Variants in KLHL29 observed in about 807,000 individuals in gnomAD.
KLHL29 encodes kelch-like protein 29.
In KLHL29, 21 loss-of-function variants were observed where a neutral mutation model predicts 80.4. The observed-to-expected ratio is 0.26, with a 90% CI of 0.19 to 0.38. KLHL29 has a LOEUF of 0.38. Among genes scored for constraint, KLHL29 ranks in the 10% least tolerant of loss-of-function variants. The probability of loss-of-function intolerance (pLI) is 1.00; values close to 1 mark genes in which losing one functional copy is unlikely to be tolerated. For synonymous variants in KLHL29, 511 were observed against 526.8 expected (o/e 0.97, Z 0.41); for missense variants, 867 against 1,223.9 (o/e 0.71, Z 4.35).
Position 23,596,422 on chromosome 2 carries a change from G to A in KLHL29, c.285+33941G>A, listed in dbSNP as rs1306890548. Among the ~76,000 whole-genome samples the A allele has an allele frequency of 2.0e-5, 3 of 152,172 alleles. No individual in the cohort carries two copies. Among genetic ancestry groups the A allele is most frequent in the African/African-American group, 4.8e-5 (2 of 41,438 alleles). On this transcript the variant is annotated intron_variant, in intron 3 of 13. Coordinates refer to ENST00000486442, the MANE Select transcript of KLHL29 (RefSeq NM_052920.2). This position sits in a 1 kb window ranked among gnomAD's most constrained non-coding sequence, Gnocchi z 4.4. Reference sequence around the variant, plus strand: ...CTGGTGGCTGCATCCCAGGGGAGAGGAAGGAACCCGTTTCATAAGCGCACT... The same window carrying A: ...CTGGTGGCTGCATCCCAGGGGAGAGAAAGGAACCCGTTTCATAAGCGCACT...
At chr2:23,477,499 C>G (rs945155625) in intron 2 of KLHL29, among the ~76,000 whole-genome samples, 4 of 152,252 alleles carry the variant, frequency 2.6e-5, no homozygotes, top group Non-Finnish European at 5.9e-5. Flanking sequence ...TGGAAGGTTC[C>G]CCACCCTGTG....
rs146261512 is a variant in KLHL29 at position 23,543,959 on chromosome 2, G to A, written c.-45-18193G>A. The stretch of plus-strand genomic sequence containing the variant: ...GGTGGACTCTCCAGGGCTCTGGGTC[G>A]GGGCTTGCTGGACAGGGAGAGTAGG... On this transcript the variant is annotated intron_variant, in intron 2 of 13. Coordinates refer to ENST00000486442, the MANE Select transcript of KLHL29 (RefSeq NM_052920.2). Among the ~76,000 whole-genome samples the A allele has an allele frequency of 4.8e-4, 73 of 152,328 alleles. 1 individual carries two copies. In the East Asian group the frequency reaches 0.012, roughly 25 times the overall value.
At chr2:23,485,051 G>T (rs550253823) in intron 2 of KLHL29, among the ~76,000 whole-genome samples, 1 of 152,234 alleles carries the variant, frequency 6.6e-6, no homozygotes, top group East Asian at 1.9e-4. Context: ...CCTGGTTCCG[G>T]TGTGGTCCTG....
intron 3 of KLHL29, among the ~76,000 whole-genome samples, chr2:23,597,303 A>ATG (rs1178808276): frequency 1.2e-5 from 1 of 82,224 alleles, no homozygotes; most frequent in South Asian, 5.0e-4. Flanking sequence ...TCTCATATAT[A>ATG]TATATATGTG....
chr2:23,418,489 T>C (rs555819202), intron 1 of KLHL29, among the ~76,000 whole-genome samples: 12 of 152,332 alleles, frequency 7.9e-5, no homozygotes, highest in Admixed American at 3.9e-4. Context: ...ATGTTAGGCT[T>C]CAGCATGATT....
At chr2:23,587,915 T>G (rs72780365) in intron 3 of KLHL29, among the ~76,000 whole-genome samples, 1 of 152,220 alleles carries the variant, frequency 6.6e-6, no homozygotes. Flanking sequence ...AGGGAAGGAA[T>G]GGCCTTGTGT....
chr2:23,400,671 CA>C (rs201256693), intron 1 of KLHL29, among the ~76,000 whole-genome samples: 6,559 of 140,304 alleles, frequency 0.047, 162 homozygotes, highest in Non-Finnish European at 0.053. Flanking sequence ...CCCATCTCTA[CA>C]AAAAAAAAAA....
intron 2 of KLHL29, among the ~76,000 whole-genome samples, chr2:23,541,124 C>A (rs1666820138): frequency 1.3e-5 from 2 of 152,238 alleles, no homozygotes. Flanking sequence ...GATTTCACAA[C>A]TGAATTCTGT....
intron 1 of KLHL29, among the ~76,000 whole-genome samples, chr2:23,471,609 A>G (rs1169085571): frequency 6.6e-6 from 1 of 152,196 alleles, no homozygotes; most frequent in Non-Finnish European, 1.5e-5. Flanking sequence ...ACAAGCAGTG[A>G]CTGACTACCT....
At chr2:23,469,690 G>T (rs1397713089) in intron 1 of KLHL29, among the ~76,000 whole-genome samples, 1 of 152,152 alleles carries the variant, frequency 6.6e-6, no homozygotes, top group Non-Finnish European at 1.5e-5. Context: ...TGTGGAAAAT[G>T]AGTTGAACCG....
At chr2:23,472,964 A>G (rs992239401) in intron 1 of KLHL29, among the ~76,000 whole-genome samples, 2 of 152,220 alleles carry the variant, frequency 1.3e-5, no homozygotes, top group Non-Finnish European at 2.9e-5. Flanking sequence ...ATCCACAAAG[A>G]TGAATAGGCA....
chr2:23,547,407 C>T (rs1485486303), intron 2 of KLHL29, among the ~76,000 whole-genome samples: 1 of 152,116 alleles, frequency 6.6e-6, no homozygotes, highest in Non-Finnish European at 1.5e-5. Flanking sequence ...TTAGGATTGA[C>T]CTAGCCATTT....
chr2:23,680,289 G>A lies in KLHL29; in HGVS notation c.941-4110G>A, dbSNP rs145426501. On this transcript the variant is annotated intron_variant, in intron 5 of 13. Transcript: ENST00000486442. The surrounding 1 kb of genome is among the most constrained non-coding windows in gnomAD (Gnocchi z 4.1). ...AGTCTGGGGAAGGCCTGCGGATTGC[G>A]GGCAGTGGACCGTCTTCCACGGGAA... is the stretch of plus-strand genomic sequence containing the variant. Among the ~76,000 whole-genome samples, 12 of 152,232 alleles carry A rather than the reference G, an allele frequency of 7.9e-5. No individual in the cohort carries two copies. The highest frequency in any genetic ancestry group is 1.7e-4 in the African/African-American group (7 of 41,542).
chr2:23,445,038 T>C (rs565190155), intron 1 of KLHL29, among the ~76,000 whole-genome samples: 50 of 152,254 alleles, frequency 3.3e-4, no homozygotes, highest in Non-Finnish European at 7.2e-4. Context: ...ACAAAACCAA[T>C]TTTTTTCCTC....
At chr2:23,655,837 G>A (rs969709323) in intron 5 of KLHL29, among the ~76,000 whole-genome samples, 2 of 151,874 alleles carry the variant, frequency 1.3e-5, no homozygotes, top group Non-Finnish European at 2.9e-5. Context: ...AGCAGAGTGA[G>A]TGCAGTCAGT....
chr2:23,387,145 T>C (rs886673522), intron 1 of KLHL29, among the ~76,000 whole-genome samples: 5 of 152,202 alleles, frequency 3.3e-5, no homozygotes, highest in African/African-American at 1.2e-4. Flanking sequence ...CAGGTATTTA[T>C]GTAGCATTAG....
intron 5 of KLHL29, among the ~76,000 whole-genome samples, chr2:23,655,933 G>A (rs1156276375): frequency 1.3e-5 from 2 of 152,144 alleles, no homozygotes; most frequent in African/African-American, 4.8e-5. Context: ...AAGATGCACC[G>A]AAGCTCTGCT....
intron 2 of KLHL29, among the ~76,000 whole-genome samples, chr2:23,528,053 G>T (rs1447531334): frequency 6.6e-6 from 1 of 152,132 alleles, no homozygotes; most frequent in East Asian, 1.9e-4. Context: ...GAAAAACCTG[G>T]CTTCTAAGAG....
rs114978047 is a variant in KLHL29 at position 23,536,115 on chromosome 2, G to A, written c.-45-26037G>A. Among the ~76,000 whole-genome samples, 605 of 152,282 alleles carry A rather than the reference G, an allele frequency of 4.0e-3. 5 individuals are homozygous for A. Among genetic ancestry groups the A allele is most frequent in the African/African-American group, 0.014 (576 of 41,548 alleles). On this transcript the variant is annotated intron_variant, in intron 2 of 13. Transcript: ENST00000486442. ...TCTGACTGCCAGGCCCTTTCAGAGC[G>A]ACAGGTATCCTTCCTAAATGCCAGG...
Sources: gnomAD v4.1 joint callset for allele counts (sites outside exome capture counted in the v4.1 genomes callset) on GRCh38, gnomAD v4.1.1 for gene constraint, Gnocchi (gnomAD v3.1) non-coding constraint, MANE v1.5 for transcripts, NCBI Gene and HGNC (gene_info 2026-07-23, HGNC 2026-07-21) for gene names.